The following PRKN variants were observed in gnomAD, a reference collection of about 807,000 sequenced individuals.
PRKN encodes the protein parkin RBR E3 ubiquitin protein ligase.
PRKN carries 56 observed loss-of-function variants against 59.5 expected under a neutral mutation model. The ratio of observed to expected loss-of-function variants is 0.94; its 90% CI spans 0.76 to 1.18. The LOEUF (loss-of-function observed/expected upper bound fraction) is 1.18. Ranked by LOEUF, PRKN falls within the 50% of genes most tolerant of loss-of-function variation. The pLI, the probability that PRKN is intolerant of heterozygous loss-of-function variation, is 0.00. For synonymous variants in PRKN, 250 were observed against 222.1 expected, an observed-to-expected ratio of 1.13 and a Z score of -1.12; for missense variants, 657 against 596.4, an observed-to-expected ratio of 1.10 and a Z score of -1.06.
At chr6:161,921,244 A>G (rs1378840502) in intron 6 of PRKN, among the ~76,000 whole-genome samples, 3 of 151,868 alleles carry the variant, frequency 2.0e-5, no homozygotes, top group Non-Finnish European at 2.9e-5. Context: ...ACCATCTTCC[A>G]CCCCCATATA....
intron 6 of PRKN, among the ~76,000 whole-genome samples, chr6:161,820,525 A>C (rs963243120): frequency 6.8e-6 from 1 of 147,858 alleles, no homozygotes; most frequent in Non-Finnish European, 1.5e-5. Flanking sequence ...ATAATTTAAA[A>C]AATAAAAATT....
chr6:161,433,759 G>A lies in PRKN; in HGVS notation c.1084-46882C>T, dbSNP rs530026889. On this transcript the variant is annotated intron_variant, in intron 9 of 11. Transcript: ENST00000366898. ...AGGCTGAGCACTGTGGCTGTCACCT[G>A]TAATCCCAGCACTTTGGGAGGCCGA... 5.1e-4 allele frequency among the ~76,000 whole-genome samples: 77 copies of A among 152,162 alleles called. 3 individuals carry two copies. The highest frequency in any genetic ancestry group is 8.3e-4 in the South Asian group (4 of 4,824).
chr6:161,439,964 T>G lies in PRKN; in HGVS notation c.1084-53087A>C, dbSNP rs533318591. Among the ~76,000 whole-genome samples the G allele has an allele frequency of 3.3e-5, 5 of 151,882 alleles. No homozygotes were observed. In the East Asian group the frequency reaches 9.7e-4, roughly 29 times the overall value. ...TTGTTTTGTTTTGTTTTTTGTTTTT[T>G]TTTTTTGACGGAGTCTCACTCTGCC... On this transcript the variant is annotated intron_variant, in intron 9 of 11. Coordinates refer to ENST00000366898, the MANE Select transcript of PRKN (RefSeq NM_004562.3).
At chr6:161,646,212 C>G (rs1190776037) in intron 7 of PRKN, among the ~76,000 whole-genome samples, 8 of 38,456 alleles carry the variant, frequency 2.1e-4, no homozygotes, top group Admixed American at 3.7e-4. Flanking sequence ...GGCGGCGTAT[C>G]AGTGACAGTG....
intron 1 of PRKN, chr6:162,568,545 G>T: frequency 3.8e-6 from 3 of 779,272 alleles, no homozygotes; most frequent in South Asian, 1.4e-5. Flanking sequence ...CCTGGAGGTG[G>T]ACCCCAACAT....
rs530921371 is a variant in PRKN, at chr6:161,982,388, G to T, written c.619-8971C>A. ...CAAGCTACCAATGACTTTCTTCACA[G>T]AATTGGAAAAAACTACTTTAAAGTT... On this transcript the variant is annotated intron_variant, in intron 5 of 11. Transcript: ENST00000366898. 3.0e-4 allele frequency among the ~76,000 whole-genome samples: 34 copies of T among 114,374 alleles called. 1 individual carries two copies. In the South Asian group the frequency reaches 8.6e-3, roughly 29 times the overall value. The allele number at this position is 114,374 out of a possible 152,430, so 75.0% of individuals were successfully genotyped here. A position where few individuals can be genotyped will look rare whatever the true frequency, so the allele number is the denominator to read the frequency against.
chr6:162,372,202 C>A (rs531863218), intron 2 of PRKN, among the ~76,000 whole-genome samples: 1 of 152,218 alleles, frequency 6.6e-6, no homozygotes, highest in Non-Finnish European at 1.5e-5. Flanking sequence ...TGTCGTTTTG[C>A]AGCCAGGGAA....
intron 6 of PRKN, among the ~76,000 whole-genome samples, chr6:161,853,433 A>C (rs562050281): frequency 6.6e-6 from 1 of 152,356 alleles, no homozygotes; most frequent in Non-Finnish European, 1.5e-5. Flanking sequence ...CCAAAGAATA[A>C]GTTTAGACAA....
At position 162,164,466 on chromosome 6, in the gene PRKN, C is replaced by T. The variant is rs1782894655; in HGVS notation, c.534+36665G>A. On this transcript the variant is annotated intron_variant, in intron 4 of 11. Coordinates refer to ENST00000366898, the MANE Select transcript of PRKN (RefSeq NM_004562.3). ...ACCTCAGGCAAACCTCCCACCTTGG[C>T]CTCCCAAAGTGCTAAGATTACAGGT... is the stretch of plus-strand genomic sequence containing the variant. Among the ~76,000 whole-genome samples the T allele has an allele frequency of 1.3e-5, 2 of 148,758 alleles. 1 individual carries two copies. Among genetic ancestry groups the T allele is most frequent in the Admixed American group, 1.3e-4 (2 of 14,932 alleles).
chr6:162,659,520 T>C (rs1316374899), intron 1 of PRKN, among the ~76,000 whole-genome samples: 3 of 152,190 alleles, frequency 2.0e-5, no homozygotes, highest in Admixed American at 2.0e-4. Flanking sequence ...AATTCATCAC[T>C]GTCTGGGACA....
At chr6:161,607,019 T>G (rs934855852) in intron 7 of PRKN, among the ~76,000 whole-genome samples, 1 of 152,178 alleles carries the variant, frequency 6.6e-6, no homozygotes, top group Non-Finnish European at 1.5e-5. Flanking sequence ...TGTTGATTGG[T>G]GATAGCTCAA....
intron 7 of PRKN, among the ~76,000 whole-genome samples, chr6:161,594,224 A>G (rs1229396592): frequency 6.6e-6 from 1 of 152,142 alleles, no homozygotes; most frequent in Non-Finnish European, 1.5e-5. Flanking sequence ...TTACAAATCA[A>G]TTTAACACTC....
intron 7 of PRKN, among the ~76,000 whole-genome samples, chr6:161,783,978 A>C (rs1368416697): frequency 7.9e-5 from 12 of 152,220 alleles, no homozygotes; most frequent in Admixed American, 7.9e-4. Flanking sequence ...TATAATTGAC[A>C]TTAAAACTAA....
At chr6:162,606,832 T>A (rs2128218112) in intron 1 of PRKN, among the ~76,000 whole-genome samples, 1 of 152,318 alleles carries the variant, frequency 6.6e-6, no homozygotes, top group South Asian at 2.1e-4. Context: ...TTCTCCTGCC[T>A]CAGCCTCCCA....
Position 162,493,126 on chromosome 6 carries a change from G to A in PRKN, c.8-49653C>T, listed in dbSNP as rs545381945. 1.4e-4 allele frequency among the ~76,000 whole-genome samples: 22 copies of A among 152,004 alleles called. No individual in the cohort carries two copies. In the East Asian group the frequency reaches 2.7e-3, roughly 19 times the overall value. ...AGCCTATCTCTTACTTCCCTTGTTCGGCCAGCAGGATAAAAATCAATGGAC... is the reference window on the plus strand; with the variant it reads ...AGCCTATCTCTTACTTCCCTTGTTCAGCCAGCAGGATAAAAATCAATGGAC... On this transcript the variant is annotated intron_variant, in intron 1 of 11. Transcript: ENST00000366898.
rs758248103 is a variant in PRKN, at chr6:161,483,722, T to A, written c.1083+65132A>T. Among the ~76,000 whole-genome samples the A allele has an allele frequency of 2.6e-4, 39 of 152,244 alleles. No homozygotes were observed. The highest frequency in any genetic ancestry group is 4.0e-4 in the Non-Finnish European group (27 of 68,022). ...TATTTCTTAAGGCATGGGAGTGGCA[T>A]AGTGAGATCCTGGCAGGAGCACTGT... On this transcript the variant is annotated intron_variant, in intron 9 of 11. Transcript: ENST00000366898. This position sits in a 1 kb window ranked among gnomAD's most constrained non-coding sequence, Gnocchi z 5.0.
rs746779466 is a variant in PRKN at position 161,419,334 on chromosome 6, C to T, written c.1084-32457G>A. The stretch of plus-strand genomic sequence containing the variant: ...AGCAGTCAACCAGGAGATTTTTGGC[C>T]CTAGAACCTGAGGTCCTAACCACAA... On this transcript the variant is annotated intron_variant, in intron 9 of 11. Coordinates refer to ENST00000366898, the MANE Select transcript of PRKN (RefSeq NM_004562.3). This position sits in a 1 kb window ranked among gnomAD's most constrained non-coding sequence, Gnocchi z 4.1. 1.3e-5 allele frequency among the ~76,000 whole-genome samples: 2 copies of T among 152,050 alleles called. No individual in the cohort carries two copies. The highest frequency in any genetic ancestry group is 2.9e-5 in the Non-Finnish European group (2 of 68,008).
intron 4 of PRKN, among the ~76,000 whole-genome samples, chr6:162,058,038 GTC>G (rs545945014): frequency 7.9e-5 from 12 of 152,138 alleles, no homozygotes; most frequent in African/African-American, 1.4e-4. Flanking sequence ...TTGTTTTAAT[GTC>G]TGTTTCTCTG....
Position 162,716,705 on chromosome 6 carries a change from T to C in PRKN, c.7+10957A>G, listed in dbSNP as rs572372453. On this transcript the variant is annotated intron_variant, in intron 1 of 11. Transcript: ENST00000366898. ...CACCTGAGAAAACTACCTTGAAAAG[T>C]GAGTTATGTCCTTGGCTAGCTTCAT... 5.3e-5 allele frequency among the ~76,000 whole-genome samples: 7 copies of C among 131,812 alleles called. No homozygotes were observed. The South Asian group carries it at 1.7e-3, about 33-fold the overall frequency. The allele number at this position is 131,812 out of a possible 152,430, so 86.5% of individuals were successfully genotyped here. A position where few individuals can be genotyped will look rare whatever the true frequency, so the allele number is the denominator to read the frequency against.
Sources: allele counts gnomAD v4.1 joint callset (sites outside exome capture counted in the v4.1 genomes callset), GRCh38; gene constraint gnomAD v4.1.1; non-coding constraint Gnocchi (gnomAD v3.1); transcripts MANE v1.5; gene names NCBI Gene and HGNC (gene_info 2026-07-23, HGNC 2026-07-21).